C16orf96: variants seen among roughly 807,000 people sequenced by gnomAD.
C16orf96 encodes the protein uncharacterized protein C16orf96.
In C16orf96, 108 loss-of-function variants were observed where a neutral mutation model predicts 103.6. The ratio of observed to expected loss-of-function variants is 1.04; its 90% CI spans 0.89 to 1.22. The LOEUF (loss-of-function observed/expected upper bound fraction) is 1.22. Among genes scored for constraint, C16orf96 ranks in the 50% most tolerant of loss-of-function variants. The probability of loss-of-function intolerance (pLI) is 0.00; values close to 1 mark genes in which losing one functional copy is unlikely to be tolerated. For missense variants in C16orf96, 1,586 were observed against 1,464.2 expected (o/e 1.08, Z -1.36); for synonymous variants, 566 against 593.5 (o/e 0.95, Z 0.67).
intron 12 of C16orf96, 28 bp from the exon 13 acceptor site, chr16:4,594,323 T>C (rs1174101573): frequency 6.5e-7 from 1 of 1,546,632 alleles, no homozygotes; most frequent in Non-Finnish European, 8.7e-7. Flanking sequence ...GGTCTCCAGG[T>C]CGCTGCTGAC....
At chr16:4,587,430 A>C (rs1896952628) in intron 8 of C16orf96, among the ~76,000 whole-genome samples, 1 of 151,426 alleles carries the variant, frequency 6.6e-6, no homozygotes, top group Non-Finnish European at 1.5e-5. Flanking sequence ...TGAGAGGCTG[A>C]GGCAGGAGAA....
Position 4,575,671 on chromosome 16 carries a change from A to G in C16orf96, c.1191A>G (p.Gln397=), listed in dbSNP as rs755063359. ...TCCCAAGACGCTGGCCTCTTCCCCA[A>G]GGCTGGCCCAGGGTGGGCTCTTGGC... is the stretch of plus-strand genomic sequence containing the variant. ...PALPRRWPLP[Q]GWPRVGSWPL... is the part of the protein sequence containing the mutation. Residue 397 remains glutamine (Q), a synonymous_variant, in exon 5 of 16, where the codon CAA becomes CAG. Coordinates refer to ENST00000444310, the MANE Select transcript of C16orf96 (RefSeq NM_001145011.2). The G allele has an allele frequency of 2.6e-6, 4 of 1,535,370 alleles. No individual in the cohort carries two copies. The highest frequency in any genetic ancestry group is 3.5e-6 in the Non-Finnish European group (4 of 1,139,968).
At chr16:4,583,173 G>C (rs578171612) in intron 7 of C16orf96, among the ~76,000 whole-genome samples, 26 of 152,136 alleles carry the variant, frequency 1.7e-4, no homozygotes, top group Middle Eastern at 6.8e-3. Context: ...GGGAGGCAGA[G>C]GTTGCAGTGA....
chr16:4,580,164 G>A, intron 7 of C16orf96, 39 bp downstream of exon 7: 7 of 1,428,898 alleles, frequency 4.9e-6, no homozygotes, highest in Middle Eastern at 1.8e-4. Context: ...GGCTGGCAAA[G>A]GGAGAATTCC....
At chr16:4,545,738 C>T in the C16orf96 span, among the ~76,000 whole-genome samples, 7 of 152,178 alleles carry the variant, frequency 4.6e-5, no homozygotes, top group East Asian at 9.6e-4. Context: ...TTGTTGTATT[C>T]GGAGTTGAGC....
At chr16:4,539,694 A>C in the C16orf96 span, among the ~76,000 whole-genome samples, 1 of 152,114 alleles carries the variant, frequency 6.6e-6, no homozygotes, top group African/African-American at 2.4e-5. Flanking sequence ...CAAAAAAAGA[A>C]AGAAAGAAAG....
intron 7 of C16orf96, among the ~76,000 whole-genome samples, 162 bp downstream of exon 7, chr16:4,580,287 A>G (rs1395712727): frequency 6.6e-6 from 1 of 150,748 alleles, no homozygotes; most frequent in Non-Finnish European, 1.5e-5. Context: ...TTACACTTCA[A>G]TGAAAAGCAA....
intron 15 of C16orf96, 46 bp downstream of exon 15, chr16:4,599,410 G>C (rs562135314): frequency 6.0e-6 from 9 of 1,490,476 alleles, no homozygotes; most frequent in Admixed American, 5.9e-5. Context: ...ATTCTGGAAG[G>C]GTCTCCAGTC....
At chr16:4,555,128 TGGCAGGC>T (rs2141684043), upstream of C16orf96, among the ~76,000 whole-genome samples, 1 of 150,774 alleles carries the variant, frequency 6.6e-6, no homozygotes, top group Non-Finnish European at 1.5e-5. Flanking sequence ...CTGGGCGTGG[TGGCAGGC>T]GCCTGTGATC....
rs1362440631 is a variant in C16orf96, at chr16:4,593,134, T to A, written c.2775-90T>A. On this transcript the variant is annotated intron_variant, in intron 11 of 15. Transcript: ENST00000444310. This position sits in a 1 kb window ranked among gnomAD's most constrained non-coding sequence, Gnocchi z 4.2. Reference sequence around the variant, plus strand: ...TGAGTCTGCACCTCCTTCCTCCTGCTGGGAAGGCTTCCTGGAGGGGTGGGA... The same window carrying A: ...TGAGTCTGCACCTCCTTCCTCCTGCAGGGAAGGCTTCCTGGAGGGGTGGGA... 7.9e-7 allele frequency: 1 copy of A among 1,261,482 alleles called. No homozygotes were observed. Among genetic ancestry groups the A allele is most frequent in the Non-Finnish European group, 1.1e-6 (1 of 889,376 alleles). 78.1% of individuals were successfully genotyped at this position (1,261,482 alleles called of 1,614,324 possible).
Position 4,556,973 on chromosome 16 carries a change from C to CT in C16orf96, c.420+72dup, listed in dbSNP as rs368849390. 9.2e-4 allele frequency: 1,339 copies of CT among 1,448,356 alleles called. 3 individuals are homozygous for CT. In the African/African-American group the frequency reaches 0.012, roughly 13 times the overall value. The allele number at this position is 1,448,356 out of a possible 1,614,324, so 89.7% of individuals were successfully genotyped here. On this transcript the variant is annotated intron_variant, in intron 1 of 15. Coordinates refer to ENST00000444310, the MANE Select transcript of C16orf96 (RefSeq NM_001145011.2). ...CACCACTGGCTCTCTCCTGGGACGT[C>CT]TTTTTTTTGTTTTTGAGACTCCGTC...
At chr16:4,558,242 C>T (rs1297067598) in intron 1 of C16orf96, among the ~76,000 whole-genome samples, 5 of 152,252 alleles carry the variant, frequency 3.3e-5, no homozygotes, top group Non-Finnish European at 7.3e-5. Flanking sequence ...GACCCTGGCT[C>T]ACCTTTGACT....
intron 12 of C16orf96, 54 bp from the exon 13 acceptor site, chr16:4,594,297 G>A: frequency 6.5e-7 from 1 of 1,533,892 alleles, no homozygotes; most frequent in Non-Finnish European, 8.8e-7. Context: ...GGCCCGTCCT[G>A]GGCTCTGGGG....
chr16:4,538,976 C>T, the C16orf96 span: 1 of 152,234 alleles, frequency 6.6e-6, no homozygotes, highest in East Asian at 1.9e-4. Context: ...GGGAAAGAAC[C>T]GTCCCTGTGA....
chr16:4,545,334 G>A, the C16orf96 span, among the ~76,000 whole-genome samples: 3 of 152,160 alleles, frequency 2.0e-5, no homozygotes, highest in Admixed American at 2.0e-4. Context: ...AGCCTCCCAA[G>A]TAGCTGGGAC....
At chr16:4,588,699 GTCT>G (rs1383713970) in intron 9 of C16orf96, among the ~76,000 whole-genome samples, 1 of 112,474 alleles carries the variant, frequency 8.9e-6, no homozygotes, top group Non-Finnish European at 1.7e-5. Context: ...AAGCAGCAAT[GTCT>G]TTTTTTTTTT....
the C16orf96 span, among the ~76,000 whole-genome samples, chr16:4,544,002 G>C: frequency 2.0e-5 from 3 of 152,072 alleles, no homozygotes; most frequent in Non-Finnish European, 2.9e-5. Context: ...TTTGAGGCAG[G>C]AGGACCCACT....
chr16:4,550,579 T>C, the C16orf96 span, among the ~76,000 whole-genome samples: 1 of 152,214 alleles, frequency 6.6e-6, no homozygotes, highest in Non-Finnish European at 1.5e-5. Flanking sequence ...GTGAGCACTT[T>C]GTGCTGGGTA....
intron 9 of C16orf96, among the ~76,000 whole-genome samples, chr16:4,590,247 A>G (rs1177644497): frequency 6.6e-6 from 1 of 151,372 alleles, no homozygotes; most frequent in Non-Finnish European, 1.5e-5. Context: ...ACATAGAGAG[A>G]CTCCATCTCT....
Sources: allele counts gnomAD v4.1 joint callset (sites outside exome capture counted in the v4.1 genomes callset), GRCh38; gene constraint gnomAD v4.1.1; non-coding constraint Gnocchi (gnomAD v3.1); transcripts MANE v1.5; gene names NCBI Gene and HGNC (gene_info 2026-07-23, HGNC 2026-07-21).